The following SLC9A8 variants were observed in gnomAD, a reference collection of about 807,000 sequenced individuals.
SLC9A8 encodes the protein solute carrier family 9 member A8.
In SLC9A8, 48 loss-of-function variants were observed where a neutral mutation model predicts 66.6. The ratio of observed to expected loss-of-function variants is 0.72; its 90% CI spans 0.57 to 0.92. The LOEUF is 0.92. SLC9A8 is among the 40% of genes least tolerant of loss of function. SLC9A8 has a pLI of 0.00. For missense variants in SLC9A8, 599 were observed against 747.3 expected, an observed-to-expected ratio of 0.80 and a Z score of 2.31; for synonymous variants, 274 against 282.6, an observed-to-expected ratio of 0.97 and a Z score of 0.31.
intron 3 of SLC9A8, among the ~76,000 whole-genome samples, chr20:49,834,405 GTATATATATATAC>G (rs1568813909): frequency 0.058 from 2,352 of 40,900 alleles, 458 homozygotes; most frequent in East Asian, 0.47. Context: ...TATATACTGT[GTATATATATATAC>G]TGTATATATA....
chr20:49,850,721 A>G (rs1237283979), intron 6 of SLC9A8, 89 bp from the exon 7 acceptor site: 1 of 1,519,520 alleles, frequency 6.6e-7, no homozygotes. Flanking sequence ...ATTAGTTTTA[A>G]TAAAGCACTA....
intron 14 of SLC9A8, 176 bp downstream of exon 14, chr20:49,884,242 GACACAC>G (rs57569872): frequency 9.5e-5 from 11 of 115,460 alleles, no homozygotes; most frequent in African/African-American, 2.3e-4. Flanking sequence ...ACACACACAC[GACACAC>G]ACACACACAC....
chr20:49,814,912 A>G (rs1425009532), intron 1 of SLC9A8, 96 bp from the exon 2 acceptor site: 5 of 1,018,598 alleles, frequency 4.9e-6, no homozygotes, highest in Non-Finnish European at 6.9e-6. Context: ...GAATCCCATA[A>G]AGTTCTTGGA....
intron 15 of SLC9A8, among the ~76,000 whole-genome samples, chr20:49,887,204 C>T (rs2089923414): frequency 6.6e-6 from 1 of 152,202 alleles, no homozygotes; most frequent in African/African-American, 2.4e-5. Flanking sequence ...TTCAGACATA[C>T]CAGGGCCTCA....
chr20:49,814,313 A>G (rs184306065), intron 1 of SLC9A8, among the ~76,000 whole-genome samples: 26 of 152,346 alleles, frequency 1.7e-4, no homozygotes, highest in African/African-American at 5.8e-4. Context: ...CAGACATGTT[A>G]TACCTATTAA....
At position 49,884,219 on chromosome 20, in the gene SLC9A8, C is replaced by CACACACACACACG. The variant is rs2089743770; in HGVS notation, c.1491+165_1491+166insGACACACACACAC. 35 of 328,150 alleles carry CACACACACACACG rather than the reference C, an allele frequency of 1.1e-4. No individual in the cohort carries two copies. In the East Asian group the frequency reaches 1.8e-3, roughly 17 times the overall value. 20.3% of individuals were successfully genotyped at this position (328,150 alleles called of 1,614,324 possible). A position where few individuals can be genotyped will look rare whatever the true frequency, so the allele number is the denominator to read the frequency against. Reference sequence around the variant, plus strand: ...CACACGACACACACACACACACACACACACACACACACACACACACACGAC... The same window carrying CACACACACACACG: ...CACACGACACACACACACACACACACACACACACACACGACACACACACACACACACACACGAC... On this transcript the variant is annotated intron_variant, in intron 14 of 15. Transcript: ENST00000361573.
Position 49,848,125 on chromosome 20 carries a change from T to C in SLC9A8, c.433-1454T>C, listed in dbSNP as rs541806174. 2.6e-5 allele frequency among the ~76,000 whole-genome samples: 4 copies of C among 152,132 alleles called. No homozygotes were observed. The South Asian group carries it at 8.3e-4, about 32-fold the overall frequency. ...TTTTAGCAGAGATGGGGTTTCTCCA[T>C]GTTGGTCAGGTTGGTCTCGAACTCC... On this transcript the variant is annotated intron_variant, in intron 5 of 15. Coordinates refer to ENST00000361573, the MANE Select transcript of SLC9A8 (RefSeq NM_015266.3).
intron 10 of SLC9A8, among the ~76,000 whole-genome samples, chr20:49,866,173 T>C (rs2088956215): frequency 6.6e-6 from 1 of 152,216 alleles, no homozygotes; most frequent in African/African-American, 2.4e-5. Flanking sequence ...CATTGTAGTT[T>C]AAATGAAATC....
intron 2 of SLC9A8, among the ~76,000 whole-genome samples, chr20:49,817,480 G>C (rs1368288206): frequency 2.2e-5 from 3 of 138,078 alleles, no homozygotes; most frequent in Admixed American, 7.5e-5. Context: ...TTATTTCTCT[G>C]ATGTGTATTA....
intron 3 of SLC9A8, 89 bp downstream of exon 3, chr20:49,823,230 A>T (rs561445341): frequency 1.1e-6 from 1 of 928,624 alleles, no homozygotes; most frequent in East Asian, 2.4e-5. Flanking sequence ...ACCACAAGAG[A>T]TGCATCACAT....
At chr20:49,864,422 G>A (rs753300286) in intron 9 of SLC9A8, among the ~76,000 whole-genome samples, 2 of 152,162 alleles carry the variant, frequency 1.3e-5, no homozygotes, top group African/African-American at 2.4e-5. Context: ...CCAGCTTTGC[G>A]CCATGGCCCG....
At chr20:49,833,212 C>G (rs1189690406) in intron 3 of SLC9A8, among the ~76,000 whole-genome samples, 1 of 152,120 alleles carries the variant, frequency 6.6e-6, no homozygotes, top group East Asian at 1.9e-4. Flanking sequence ...CGTGTCCTTC[C>G]CTTTTAAGCA....
In SLC9A8 at chr20:49,880,930, G is replaced by T. The variant is rs2089604727; in HGVS notation, c.1165G>T (p.Val389Leu). The change falls in exon 13 of 16, where the codon GTA becomes TTA. Residue 389 changes from valine to leucine, a missense_variant. Coordinates refer to ENST00000361573, the MANE Select transcript of SLC9A8 (RefSeq NM_015266.3). Reference sequence around the variant, plus strand: ...AGTTTGTTGCTATCAACAGGTGCTTGTACTATTTGGCAGAGCGGTAAACAT... The same window carrying T: ...AGTTTGTTGCTATCAACAGGTGCTTTTACTATTTGGCAGAGCGGTAAACAT... ...ISFVIWCIVLVLFGRAVNIFP... is the reference protein window; with the variant it reads ...ISFVIWCIVLLLFGRAVNIFP... 1 of 1,610,414 alleles carries T rather than the reference G, an allele frequency of 6.2e-7. No individual in the cohort carries two copies. Among genetic ancestry groups the T allele is most frequent in the Non-Finnish European group, 8.5e-7 (1 of 1,176,618 alleles).
At chr20:49,844,924 G>T in intron 4 of SLC9A8, 112 bp from the exon 5 acceptor site, 4 of 647,154 alleles carry the variant, frequency 6.2e-6, no homozygotes, top group African/African-American at 1.8e-5. Flanking sequence ...AACATTATAT[G>T]TTTCCACTAG....
intron 3 of SLC9A8, among the ~76,000 whole-genome samples, chr20:49,826,697 T>C (rs545779764): frequency 1.3e-5 from 2 of 152,350 alleles, no homozygotes; most frequent in African/African-American, 4.8e-5. Flanking sequence ...CAGGATACTT[T>C]CCATACTTTA....
intron 11 of SLC9A8, among the ~76,000 whole-genome samples, chr20:49,877,331 T>C (rs1480074235): frequency 1.3e-5 from 2 of 152,036 alleles, no homozygotes; most frequent in Non-Finnish European, 2.9e-5. Flanking sequence ...TCTTTAGTCA[T>C]TATGCTGTTC....
At chr20:49,834,185 CTATATATATATATA>C (rs377091649) in intron 3 of SLC9A8, among the ~76,000 whole-genome samples, 13 of 34,542 alleles carry the variant, frequency 3.8e-4, no homozygotes, top group East Asian at 1.6e-3. Context: ...CTCTCTCTCT[CTATATATATATATA>C]TATATATATA....
At chr20:49,885,286 C>T (rs138182813) in intron 14 of SLC9A8, among the ~76,000 whole-genome samples, 42 of 152,316 alleles carry the variant, frequency 2.8e-4, no homozygotes, top group African/African-American at 1.0e-3. Flanking sequence ...CTCACACCAG[C>T]ATCTCATAGG....
chr20:49,873,458 G>T (rs1216248914), intron 10 of SLC9A8, among the ~76,000 whole-genome samples: 1 of 148,778 alleles, frequency 6.7e-6, no homozygotes, highest in Non-Finnish European at 1.5e-5. Flanking sequence ...CTCCAGCCTG[G>T]GCGACAACGC....
Sources: allele counts gnomAD v4.1 joint callset (sites outside exome capture counted in the v4.1 genomes callset), GRCh38; gene constraint gnomAD v4.1.1; transcripts MANE v1.5; gene names NCBI Gene and HGNC (gene_info 2026-07-23, HGNC 2026-07-21).